Variants in MAD1L1 observed in about 807,000 individuals in gnomAD.
MAD1L1 encodes mitotic spindle assembly checkpoint protein MAD1.
A neutral mutation model predicts 96.9 loss-of-function variants in MAD1L1; 95 were observed. That is an observed-to-expected ratio of 0.98 (90% confidence interval 0.83 to 1.16). The LOEUF (loss-of-function observed/expected upper bound fraction) is 1.16. MAD1L1 is among the 50% of genes most tolerant of loss of function. The probability of loss-of-function intolerance (pLI) is 0.00; values close to 1 mark genes in which losing one functional copy is unlikely to be tolerated. For synonymous variants in MAD1L1, 473 were observed against 396.6 expected, an observed-to-expected ratio of 1.19 and a Z score of -2.29; for missense variants, 1,007 against 954.4, an observed-to-expected ratio of 1.06 and a Z score of -0.73.
At chr7:2,049,663 G>C (rs1394173628) in intron 12 of MAD1L1, among the ~76,000 whole-genome samples, 1 of 152,214 alleles carries the variant, frequency 6.6e-6, no homozygotes, top group East Asian at 1.9e-4. Context: ...AGCCACCCAA[G>C]GGGCACTGGG....
chr7:2,088,725 T>C lies in MAD1L1; in HGVS notation c.1074-19387A>G, dbSNP rs1228744488. On this transcript the variant is annotated intron_variant, in intron 11 of 18. Transcript: ENST00000265854. The surrounding 1 kb of genome is among the most constrained non-coding windows in gnomAD (Gnocchi z 4.4). ...AGGACACCGACGGAGCCGGGCCATC[T>C]CTCAAGTACAACCTAGACGCCCTCA... 1.3e-5 allele frequency: 2 copies of C among 152,310 alleles called. No homozygotes were observed. Among genetic ancestry groups the C allele is most frequent in the African/African-American group, 4.8e-5 (2 of 41,450 alleles). The allele number at this position is 152,310 out of a possible 1,614,324, so 9.4% of individuals were successfully genotyped here. A position where few individuals can be genotyped will look rare whatever the true frequency, so the allele number is the denominator to read the frequency against.
At chr7:2,045,712 G>C (rs1783888956) in intron 12 of MAD1L1, among the ~76,000 whole-genome samples, 1 of 147,806 alleles carries the variant, frequency 6.8e-6, no homozygotes, top group African/African-American at 2.5e-5. Flanking sequence ...AGTCTAACAG[G>C]ATTCCTTGAA....
intron 11 of MAD1L1, among the ~76,000 whole-genome samples, chr7:2,111,905 C>T (rs1787402252): frequency 6.6e-6 from 1 of 152,236 alleles, no homozygotes; most frequent in Non-Finnish European, 1.5e-5. Context: ...CAGTCCCACT[C>T]CTAAGTATGT....
At chr7:2,187,757 T>C (rs553885983) in intron 10 of MAD1L1, among the ~76,000 whole-genome samples, 3 of 152,338 alleles carry the variant, frequency 2.0e-5, no homozygotes, top group East Asian at 1.9e-4. Context: ...CATGTTTGAG[T>C]TGTGAACTGA....
chr7:1,877,178 G>C (rs893920819), intron 18 of MAD1L1, among the ~76,000 whole-genome samples: 24 of 152,006 alleles, frequency 1.6e-4, no homozygotes, highest in African/African-American at 5.3e-4. Context: ...CATAGAGCTG[G>C]GGTCATCAAA....
intron 10 of MAD1L1, among the ~76,000 whole-genome samples, chr7:2,187,612 G>A (rs1367761428): frequency 6.6e-6 from 1 of 152,130 alleles, no homozygotes; most frequent in African/African-American, 2.4e-5. Context: ...GGAACTACAG[G>A]AGTACTGGGC....
intron 11 of MAD1L1, among the ~76,000 whole-genome samples, chr7:2,125,724 G>C (rs116270107): frequency 6.6e-6 from 1 of 152,228 alleles, no homozygotes; most frequent in Non-Finnish European, 1.5e-5. Flanking sequence ...TCCAGAAACT[G>C]CAGCTCAGAC....
At chr7:1,882,794 A>ACC (rs1306586053) in intron 18 of MAD1L1, among the ~76,000 whole-genome samples, 1 of 152,134 alleles carries the variant, frequency 6.6e-6, no homozygotes, top group Non-Finnish European at 1.5e-5. Flanking sequence ...GCCCTCCATC[A>ACC]CCAGGGCGGC....
At chr7:1,899,771 T>C (rs543959915) in intron 17 of MAD1L1, among the ~76,000 whole-genome samples, 16 of 152,248 alleles carry the variant, frequency 1.1e-4, no homozygotes, top group African/African-American at 3.9e-4. Flanking sequence ...GGGGAGTTTG[T>C]GCACAGCGGC....
At chr7:2,202,846 C>T (rs1391234489) in intron 10 of MAD1L1, among the ~76,000 whole-genome samples, 2 of 152,224 alleles carry the variant, frequency 1.3e-5, no homozygotes, top group Non-Finnish European at 2.9e-5. Context: ...CCTCACTGTC[C>T]TCCTAATTGG....
At chr7:2,047,816 T>G (rs567153359) in intron 12 of MAD1L1, among the ~76,000 whole-genome samples, 21 of 152,048 alleles carry the variant, frequency 1.4e-4, no homozygotes, top group African/African-American at 4.8e-4. Flanking sequence ...CACTCACATA[T>G]GCAGAGAGCT....
At chr7:1,964,924 C>T (rs921818696) in intron 15 of MAD1L1, among the ~76,000 whole-genome samples, 2 of 152,214 alleles carry the variant, frequency 1.3e-5, no homozygotes, top group East Asian at 1.9e-4. Flanking sequence ...CGAGGCCCAA[C>T]GGGCAGACAG....
At chr7:2,049,574 C>A (rs530479195) in intron 12 of MAD1L1, among the ~76,000 whole-genome samples, 1 of 152,358 alleles carries the variant, frequency 6.6e-6, no homozygotes, top group East Asian at 1.9e-4. Flanking sequence ...CCAGGGGCCT[C>A]CTGCAGAAGC....
At chr7:1,848,791 G>A (rs1783784702) in intron 18 of MAD1L1, 1 of 154,414 alleles carries the variant, frequency 6.5e-6, no homozygotes, top group Non-Finnish European at 1.5e-5. Flanking sequence ...AGGTGACTGT[G>A]CTGCCCACAG....
At chr7:2,089,648 T>C (rs113244008) in intron 11 of MAD1L1, among the ~76,000 whole-genome samples, 6 of 144,366 alleles carry the variant, frequency 4.2e-5, no homozygotes, top group African/African-American at 1.3e-4. Flanking sequence ...ACACTTCCAA[T>C]ACCTGTCCCC....
At chr7:2,225,055 A>G (rs1793811576) in intron 4 of MAD1L1, among the ~76,000 whole-genome samples, 1 of 152,206 alleles carries the variant, frequency 6.6e-6, no homozygotes, top group Admixed American at 6.5e-5. Flanking sequence ...GCCTCAATGA[A>G]CAGACACAGC....
chr7:2,031,224 G>T (rs949926011), intron 12 of MAD1L1, among the ~76,000 whole-genome samples: 1 of 152,104 alleles, frequency 6.6e-6, no homozygotes, highest in African/African-American at 2.4e-5. Flanking sequence ...GCTGCACCAG[G>T]CACACAGAGC....
chr7:2,078,394 C>A (rs547190822), intron 11 of MAD1L1, among the ~76,000 whole-genome samples: 2 of 152,216 alleles, frequency 1.3e-5, no homozygotes, highest in Non-Finnish European at 2.9e-5. Flanking sequence ...CTGGATCAGA[C>A]GCGTGCGTCC....
At chr7:1,941,818 T>C (rs1322399097) in intron 16 of MAD1L1, among the ~76,000 whole-genome samples, 2 of 152,184 alleles carry the variant, frequency 1.3e-5, no homozygotes, top group Admixed American at 6.5e-5. Flanking sequence ...CTGGGCTCCA[T>C]AACTGGTGGC....
Sources: allele counts gnomAD v4.1 joint callset (sites outside exome capture counted in the v4.1 genomes callset), GRCh38; gene constraint gnomAD v4.1.1; non-coding constraint Gnocchi (gnomAD v3.1); transcripts MANE v1.5; gene names NCBI Gene and HGNC (gene_info 2026-07-23, HGNC 2026-07-21).